INPP5A: variants seen among roughly 807,000 people sequenced by gnomAD.
INPP5A encodes inositol polyphosphate-5-phosphatase A.
Under a neutral mutation model 65.2 loss-of-function variants are expected in INPP5A, and 14 were observed. The ratio of observed to expected loss-of-function variants is 0.21; its 90% CI spans 0.14 to 0.34. The LOEUF is 0.34. Among genes scored for constraint, INPP5A ranks in the 10% least tolerant of loss-of-function variants. INPP5A has a pLI of 1.00. For synonymous variants in INPP5A, 207 were observed against 208.3 expected, an observed-to-expected ratio of 0.99 and a Z score of 0.05; for missense variants, 431 against 545.6, an observed-to-expected ratio of 0.79 and a Z score of 2.09.
chr10:132,602,165 C>T (rs1296513573), intron 1 of INPP5A, among the ~76,000 whole-genome samples: 1 of 152,164 alleles, frequency 6.6e-6, no homozygotes, highest in African/African-American at 2.4e-5. Flanking sequence ...AGTCTTGCCT[C>T]CTTGGTTAAG....
At position 132,616,302 on chromosome 10, in the gene INPP5A, T is replaced by A. The variant is rs2072032179; in HGVS notation, c.117+8346T>A. ...TCCAAGGGAGGACCACAGTGGCAGA[T>A]GTGCAGTGTGGGGCATGTGGCGTGC... On this transcript the variant is annotated intron_variant, in intron 2 of 15. Coordinates refer to ENST00000368594, the MANE Select transcript of INPP5A (RefSeq NM_005539.5). The surrounding 1 kb of genome is among the most constrained non-coding windows in gnomAD (Gnocchi z 4.9). Among the ~76,000 whole-genome samples the A allele has an allele frequency of 6.6e-6, 1 of 152,182 alleles. No individual in the cohort carries two copies. Among genetic ancestry groups the A allele is most frequent in the Non-Finnish European group, 1.5e-5 (1 of 68,022 alleles).
At position 132,631,442 on chromosome 10, in the gene INPP5A, G is replaced by A. The variant is rs541341751; in HGVS notation, c.118-14426G>A. Among the ~76,000 whole-genome samples, 10 of 152,350 alleles carry A rather than the reference G, an allele frequency of 6.6e-5. No homozygotes were observed. In the East Asian group the frequency reaches 7.7e-4, roughly 12 times the overall value. ...ATTTTAAACAGGGTGTTTTCCAGGC[G>A]TCGTTGGCAAGTAACTGTGGCCTTT... On this transcript the variant is annotated intron_variant, in intron 2 of 15. Coordinates refer to ENST00000368594, the MANE Select transcript of INPP5A (RefSeq NM_005539.5).
At chr10:132,612,032 CAA>C (rs2071965424) in intron 2 of INPP5A, among the ~76,000 whole-genome samples, 11 of 75,176 alleles carry the variant, frequency 1.5e-4, no homozygotes, top group African/African-American at 2.2e-4. Flanking sequence ...GAGGCCCTGT[CAA>C]GAGGAGGGTG....
intron 1 of INPP5A, among the ~76,000 whole-genome samples, chr10:132,579,257 C>T (rs2071450058): frequency 6.6e-6 from 1 of 150,754 alleles, no homozygotes; most frequent in Non-Finnish European, 1.5e-5. Flanking sequence ...GACCGCGGGG[C>T]GGGGTGGCGA....
In INPP5A at chr10:132,781,911, C is replaced by G. The variant is rs770636702; in HGVS notation, c.1209C>G (p.Ala403=). Residue 403 remains alanine, a synonymous_variant, in exon 15 of 16, where the codon GCC becomes GCG. Coordinates refer to ENST00000368594, the MANE Select transcript of INPP5A (RefSeq NM_005539.5). The part of the protein sequence containing the change: ...RIMPGAGKPH[A]HVHKCCVVQ ...TGCCCGGGGCAGGTAAACCTCATGC[C>G]CATGTGCACAAGTGTTGTGTCGTGC... 6.2e-7 allele frequency: 1 copy of G among 1,613,842 alleles called. No homozygotes were observed. Among genetic ancestry groups the G allele is most frequent in the Non-Finnish European group, 8.5e-7 (1 of 1,179,984 alleles).
At chr10:132,553,571 T>A (rs559985808) in intron 1 of INPP5A, among the ~76,000 whole-genome samples, 1 of 137,150 alleles carries the variant, frequency 7.3e-6, no homozygotes, top group Non-Finnish European at 1.6e-5. Flanking sequence ...TCTCAGAGCC[T>A]TGATGTGGAA....
intron 1 of INPP5A, among the ~76,000 whole-genome samples, chr10:132,589,644 G>A (rs2071592334): frequency 6.6e-6 from 1 of 152,258 alleles, no homozygotes; most frequent in South Asian, 2.1e-4. Context: ...AGAACCCCGA[G>A]TGCTCCCTGC....
At position 132,655,681 on chromosome 10, in the gene INPP5A, T is replaced by TG. The variant is rs200137829; in HGVS notation, c.306+5182dup. Among the ~76,000 whole-genome samples the TG allele has an allele frequency of 8.8e-3, 1,334 of 151,934 alleles. 12 individuals carry two copies. The highest frequency in any genetic ancestry group is 0.027 in the South Asian group (132 of 4,812). Reference sequence around the variant, plus strand: ...AAGTGGAGCCCTGCAGTGGGAGGGGTGGGGGGCCTGTCACTGGGCTTTGCT... The same window carrying TG: ...AAGTGGAGCCCTGCAGTGGGAGGGGTGGGGGGGCCTGTCACTGGGCTTTGCT... On this transcript the variant is annotated intron_variant, in intron 4 of 15. Coordinates refer to ENST00000368594, the MANE Select transcript of INPP5A (RefSeq NM_005539.5).
rs778920189 is a variant in INPP5A at position 132,727,116 on chromosome 10, GC to G, written c.732+215del. 1.7e-5 allele frequency: 7 copies of G among 421,540 alleles called. No individual in the cohort carries two copies. The highest frequency in any genetic ancestry group is 4.1e-5 in the African/African-American group (2 of 49,380). 26.1% of individuals were successfully genotyped at this position (421,540 alleles called of 1,614,324 possible). A position where few individuals can be genotyped will look rare whatever the true frequency, so the allele number is the denominator to read the frequency against. ...CCGGGGTGCGCGGGCCCTCAAGGTT[GC>G]CCCGGATGGCGGGTGACAGTGCTGT... On this transcript the variant is annotated intron_variant, in intron 9 of 15. Coordinates refer to ENST00000368594, the MANE Select transcript of INPP5A (RefSeq NM_005539.5). The surrounding 1 kb of genome is among the most constrained non-coding windows in gnomAD (Gnocchi z 6.5).
chr10:132,652,321 C>T (rs1242254389), intron 4 of INPP5A, among the ~76,000 whole-genome samples: 1 of 152,202 alleles, frequency 6.6e-6, no homozygotes, highest in African/African-American at 2.4e-5. Context: ...GGATAGAAAT[C>T]ACTGTGAAAT....
At chr10:132,688,642 T>C (rs985285433) in intron 4 of INPP5A, among the ~76,000 whole-genome samples, 9 of 148,146 alleles carry the variant, frequency 6.1e-5, no homozygotes, top group African/African-American at 1.8e-4. Context: ...TGCGTGTGCA[T>C]GAGTGTGTGT....
Position 132,782,338 on chromosome 10 carries a change from G to C in INPP5A, c.*309G>C, listed in dbSNP as rs1355241759. 5 of 331,650 alleles carry C rather than the reference G, an allele frequency of 1.5e-5. No individual in the cohort carries two copies. The highest frequency in any genetic ancestry group is 4.5e-5 in the Admixed American group (1 of 22,276). 20.5% of individuals were successfully genotyped at this position (331,650 alleles called of 1,614,324 possible). A position where few individuals can be genotyped will look rare whatever the true frequency, so the allele number is the denominator to read the frequency against. On this transcript the variant is annotated 3_prime_UTR_variant, in exon 16 of 16. Coordinates refer to ENST00000368594, the MANE Select transcript of INPP5A (RefSeq NM_005539.5). This position sits in a 1 kb window ranked among gnomAD's most constrained non-coding sequence, Gnocchi z 4.4. Reference sequence around the variant, plus strand: ...GAGGGTCTGTACCGTAGACTTCACAGTTTTCAGTTTTTAATGATTGCCAGT... The same window carrying C: ...GAGGGTCTGTACCGTAGACTTCACACTTTTCAGTTTTTAATGATTGCCAGT...
chr10:132,772,967 G>A (rs955975121), intron 12 of INPP5A, among the ~76,000 whole-genome samples: 14 of 152,358 alleles, frequency 9.2e-5, no homozygotes, highest in East Asian at 5.8e-4. Context: ...CCGCCGCTGC[G>A]CACAGCTCCA....
At chr10:132,665,670 A>G (rs2072791977) in intron 4 of INPP5A, among the ~76,000 whole-genome samples, 1 of 142,722 alleles carries the variant, frequency 7.0e-6, no homozygotes, top group South Asian at 2.4e-4. Flanking sequence ...AGGCTGAGGC[A>G]GGTGAATTGC....
intron 8 of INPP5A, among the ~76,000 whole-genome samples, chr10:132,720,511 T>C (rs995242494): frequency 1.4e-5 from 2 of 148,106 alleles, no homozygotes; most frequent in African/African-American, 5.0e-5. Flanking sequence ...GTCTTGCGGG[T>C]TCTTTGGTGC....
chr10:132,733,002 A>G (rs1255891080), intron 9 of INPP5A, among the ~76,000 whole-genome samples: 1 of 152,082 alleles, frequency 6.6e-6, no homozygotes, highest in Non-Finnish European at 1.5e-5. Context: ...GACATCCAAA[A>G]TCAAGGTGTC....
chr10:132,773,532 G>A (rs1170838931), intron 12 of INPP5A, among the ~76,000 whole-genome samples: 2 of 152,208 alleles, frequency 1.3e-5, no homozygotes, highest in Non-Finnish European at 2.9e-5. Flanking sequence ...GTCTTTAGAT[G>A]TGTATTTATA....
At chr10:132,737,615 A>G (rs1590970697) in intron 9 of INPP5A, among the ~76,000 whole-genome samples, 1 of 152,200 alleles carries the variant, frequency 6.6e-6, no homozygotes, top group African/African-American at 2.4e-5. Context: ...CCTCCCTGCC[A>G]GCTCCTCAGC....
chr10:132,556,462 T>G (rs1393346313), intron 1 of INPP5A, among the ~76,000 whole-genome samples: 1 of 152,156 alleles, frequency 6.6e-6, no homozygotes, highest in Non-Finnish European at 1.5e-5. Flanking sequence ...TGTACACACA[T>G]GCACATCACA....
Sources: gnomAD v4.1 joint callset for allele counts (sites outside exome capture counted in the v4.1 genomes callset) on GRCh38, gnomAD v4.1.1 for gene constraint, Gnocchi (gnomAD v3.1) non-coding constraint, MANE v1.5 for transcripts, NCBI Gene and HGNC (gene_info 2026-07-23, HGNC 2026-07-21) for gene names.